The following ATXN7 variants were observed in gnomAD, a reference collection of about 807,000 sequenced individuals.
ATXN7 encodes the protein ataxin-7.
A neutral mutation model predicts 70.5 loss-of-function variants in ATXN7; 12 were observed. The observed-to-expected ratio is 0.17, with a 90% CI of 0.11 to 0.28. ATXN7 has a LOEUF of 0.28. Among genes scored for constraint, ATXN7 ranks in the 10% least tolerant of loss-of-function variants. ATXN7 has a pLI of 1.00. For missense variants in ATXN7, 1,256 were observed against 1,131.7 expected, an observed-to-expected ratio of 1.11 and a Z score of -1.58; for synonymous variants, 498 against 448.7, an observed-to-expected ratio of 1.11 and a Z score of -1.39.
intron 1 of ATXN7, chr3:63,865,337 A>G (rs1210701420): frequency 1.3e-5 from 2 of 152,190 alleles, no homozygotes; most frequent in Non-Finnish European, 2.9e-5. Context: ...AAAGACAAAA[A>G]TTACTTTACA....
intron 1 of ATXN7, among the ~76,000 whole-genome samples, chr3:63,876,139 G>GGTGTGTGTCTT (rs1702744720): frequency 6.6e-6 from 1 of 152,042 alleles, no homozygotes; most frequent in African/African-American, 2.4e-5. Flanking sequence ...TAGATACTGT[G>GGTGTGTGTCTT]AGCCTTTGGA....
chr3:63,996,766 G>T (rs1349056379), intron 12 of ATXN7: 2 of 428,384 alleles, frequency 4.7e-6, no homozygotes, highest in East Asian at 7.9e-5. Context: ...AGCATCGGTT[G>T]TGACAGCAAA....
chr3:63,919,662 C>T (rs1047956314), intron 4 of ATXN7, among the ~76,000 whole-genome samples: 1 of 151,536 alleles, frequency 6.6e-6, no homozygotes, highest in Non-Finnish European at 1.5e-5. Flanking sequence ...AGGTTTGTTA[C>T]ATATGTATAC....
intron 2 of ATXN7, among the ~76,000 whole-genome samples, chr3:63,907,943 C>A (rs1703896995): frequency 6.6e-6 from 1 of 151,986 alleles, no homozygotes; most frequent in African/African-American, 2.4e-5. Flanking sequence ...TTCAAATTTT[C>A]TTCTCTTTTC....
chr3:63,951,943 C>T (rs544432916), intron 4 of ATXN7, among the ~76,000 whole-genome samples: 2 of 152,240 alleles, frequency 1.3e-5, no homozygotes, highest in East Asian at 3.9e-4. Flanking sequence ...CAGTTCTATT[C>T]CTCTGTCTCT....
intron 5 of ATXN7, among the ~76,000 whole-genome samples, chr3:63,971,990 TG>T (rs1210348789): frequency 6.6e-6 from 1 of 152,208 alleles, no homozygotes; most frequent in Non-Finnish European, 1.5e-5. Flanking sequence ...GTCCTGCTCT[TG>T]GATGTTTTCT....
At position 63,890,503 on chromosome 3, in the gene ATXN7, C is replaced by T. The variant is rs552905434; in HGVS notation, c.-110-7896C>T. On this transcript the variant is annotated intron_variant, in intron 1 of 12. Coordinates refer to ENST00000674280, the MANE Select transcript of ATXN7 (RefSeq NM_001377405.1). ...TTACATAATTATTTTTGAAATCTTT[C>T]AGATTGTAAATGCTTTAATATTCAG... Among the ~76,000 whole-genome samples the T allele has an allele frequency of 1.1e-4, 17 of 152,264 alleles. No individual in the cohort carries two copies. In the East Asian group the frequency reaches 3.3e-3, roughly 29 times the overall value.
intron 5 of ATXN7, among the ~76,000 whole-genome samples, chr3:63,964,502 C>T (rs572789808): frequency 7.9e-5 from 12 of 152,246 alleles, no homozygotes; most frequent in African/African-American, 9.6e-5. Context: ...GCTGAGGTCA[C>T]GCTGTGGTTA....
Position 63,912,940 on chromosome 3 carries a change from TC to T in ATXN7, c.325+19del, listed in dbSNP as rs2107297639. On this transcript the variant is annotated intron_variant, in intron 3 of 12. Coordinates refer to ENST00000674280, the MANE Select transcript of ATXN7 (RefSeq NM_001377405.1). The stretch of plus-strand genomic sequence containing the variant: ...GGAAGGACGGTGAGTGTCCACGCCC[TC>T]CTCCCCCCTTCACCCCCTCGCGACC... 1.3e-6 allele frequency: 2 copies of T among 1,592,310 alleles called. No homozygotes were observed. The highest frequency in any genetic ancestry group is 1.7e-5 in the Admixed American group (1 of 59,186).
At position 63,990,345 on chromosome 3, in the gene ATXN7, T is replaced by G. The variant is rs2075649792; in HGVS notation, c.1531T>G (p.Tyr511Asp). 3 of 1,613,942 alleles carry G rather than the reference T, an allele frequency of 1.9e-6. No individual in the cohort carries two copies. The highest frequency in any genetic ancestry group is 1.1e-5 in the South Asian group (1 of 91,088). ...EESVEKLDCH[Y>D]SGHHPQPASF... ...GTCTGTTGAAAAACTGGACTGTCAT[T>G]ATTCAGGTCATCATCCTCAGCCAGC... The change falls in exon 10 of 13, where the codon TAT (tyrosine) becomes GAT (aspartate). Residue 511 changes from tyrosine (Y) to aspartate (D), a missense_variant. Transcript: ENST00000674280.
intron 5 of ATXN7, among the ~76,000 whole-genome samples, chr3:63,958,022 GTC>G (rs2075066744): frequency 6.6e-6 from 1 of 152,178 alleles, no homozygotes. Flanking sequence ...TGGTATTTGA[GTC>G]TGTTGGTGAG....
intron 1 of ATXN7, chr3:63,864,974 A>C (rs1482440639): frequency 6.6e-6 from 1 of 152,270 alleles, no homozygotes; most frequent in Non-Finnish European, 1.5e-5. Context: ...GATTAGCACC[A>C]GGATCGTGTC....
intron 1 of ATXN7, among the ~76,000 whole-genome samples, chr3:63,875,804 C>A (rs1041402711): frequency 1.3e-5 from 2 of 152,124 alleles, no homozygotes; most frequent in African/African-American, 4.8e-5. Context: ...AGACAGTTTT[C>A]TGTTAATAGC....
intron 2 of ATXN7, among the ~76,000 whole-genome samples, chr3:63,899,017 G>C (rs1368637711): frequency 1.3e-5 from 2 of 151,950 alleles, no homozygotes; most frequent in Admixed American, 1.3e-4. Flanking sequence ...GTAATGAGTA[G>C]TCTCTGATCA....
upstream of ATXN7, chr3:63,863,797 CGCGGCGGCGGCGGCG>C (rs546741642): frequency 5.6e-6 from 7 of 1,245,640 alleles, no homozygotes; most frequent in Admixed American, 1.3e-4. Context: ...CCATGGCGTG[CGCGGCGGCGGCGGCG>C]GCGGCGGCGG....
intron 8 of ATXN7, 34 bp from the exon 9 acceptor site, chr3:63,988,025 G>A (rs776979597): frequency 1.0e-5 from 16 of 1,606,774 alleles, no homozygotes; most frequent in South Asian, 8.9e-5. Flanking sequence ...TTATTAATGA[G>A]ATTCCTCAGT....
At chr3:63,993,092 G>A (rs1358877830) in intron 11 of ATXN7, among the ~76,000 whole-genome samples, 1 of 152,170 alleles carries the variant, frequency 6.6e-6, no homozygotes, top group African/African-American at 2.4e-5. Flanking sequence ...ACTTCAGTTT[G>A]TGGAGTCTCA....
At chr3:63,943,089 T>G (rs1020232438) in intron 4 of ATXN7, among the ~76,000 whole-genome samples, 2 of 152,188 alleles carry the variant, frequency 1.3e-5, no homozygotes, top group Non-Finnish European at 2.9e-5. Context: ...GAGAGAATTG[T>G]GTGAAGCCAC....
At chr3:63,968,046 G>T (rs982316598) in intron 5 of ATXN7, 4 of 1,247,400 alleles carry the variant, frequency 3.2e-6, no homozygotes, top group Non-Finnish European at 4.5e-6. Context: ...GCCTGTGGAC[G>T]GTGGGGTAGG....
Sources: allele counts gnomAD v4.1 joint callset (sites outside exome capture counted in the v4.1 genomes callset), GRCh38; gene constraint gnomAD v4.1.1; transcripts MANE v1.5; gene names NCBI Gene and HGNC (gene_info 2026-07-23, HGNC 2026-07-21).